The following ARHGEF12 variants were observed in gnomAD, a reference collection of about 807,000 sequenced individuals.
ARHGEF12 encodes the protein Rho guanine nucleotide exchange factor 12, also known as KMT2A/ARHGEF12 fusion protein.
A neutral mutation model predicts 211.2 loss-of-function variants in ARHGEF12; 66 were observed. That is an observed-to-expected ratio of 0.31 (90% CI 0.26 to 0.38). The LOEUF (loss-of-function observed/expected upper bound fraction) is 0.38. Among genes scored for constraint, ARHGEF12 ranks in the 10% least tolerant of loss-of-function variants. The pLI is 1.00. For synonymous variants in ARHGEF12, 592 were observed against 638.4 expected (o/e 0.93, Z 1.09); for missense variants, 1,429 against 1,869.5 (o/e 0.76, Z 4.34).
chr11:120,460,712 T>C lies in ARHGEF12; in HGVS notation c.2568T>C (p.Asn856=). Residue 856 remains asparagine, a synonymous_variant, in exon 27 of 41, where the codon AAT becomes AAC. Transcript: ENST00000397843. ...AAATGAAGGCTGTTCGAAAGAGAAATGAGACCTCTGTTATCGATCAGATTG... is the reference window on the plus strand; with the variant it reads ...AAATGAAGGCTGTTCGAAAGAGAAACGAGACCTCTGTTATCGATCAGATTG... ...NEQMKAVRKR[N]ETSVIDQIGE... 1 of 1,613,940 alleles carries C rather than the reference T, an allele frequency of 6.2e-7. No homozygotes were observed. Among genetic ancestry groups the C allele is most frequent in the Non-Finnish European group, 8.5e-7 (1 of 1,179,932 alleles).
intron 38 of ARHGEF12, 124 bp downstream of exon 38, chr11:120,480,554 ATATT>A (rs1947204397): frequency 4.3e-6 from 4 of 929,808 alleles, no homozygotes; most frequent in South Asian, 3.5e-5. Context: ...CACATGTGCA[ATATT>A]TATTCCTTCA....
chr11:120,471,070 C>T (rs1212877162), intron 30 of ARHGEF12, among the ~76,000 whole-genome samples: 1 of 152,080 alleles, frequency 6.6e-6, no homozygotes, highest in Non-Finnish European at 1.5e-5. Context: ...AGTAGGAACA[C>T]CAATCATAAG....
At chr11:120,437,410 T>C (rs2135758369) in intron 12 of ARHGEF12, 28 bp downstream of exon 12, 1 of 1,568,334 alleles carries the variant, frequency 6.4e-7, no homozygotes, top group East Asian at 2.3e-5. Context: ...GCAATGATAG[T>C]GCTGTCTTTG....
intron 30 of ARHGEF12, among the ~76,000 whole-genome samples, chr11:120,471,940 C>G (rs961381573): frequency 5.9e-5 from 9 of 152,042 alleles, no homozygotes; most frequent in African/African-American, 1.4e-4. Context: ...TATTTAAGTC[C>G]ACTTTATTAC....
intron 30 of ARHGEF12, 41 bp downstream of exon 30, chr11:120,469,429 G>A: frequency 6.8e-7 from 1 of 1,464,474 alleles, no homozygotes; most frequent in Non-Finnish European, 9.4e-7. Flanking sequence ...GACATTGGGA[G>A]AACATTAAAT....
At chr11:120,409,286 G>A (rs1944811374) in intron 3 of ARHGEF12, 108 bp from the exon 4 acceptor site, 6 of 1,063,966 alleles carry the variant, frequency 5.6e-6, no homozygotes, top group Admixed American at 2.0e-5. Context: ...CTTTGTGTTT[G>A]CACGATTTAA....
intron 1 of ARHGEF12, among the ~76,000 whole-genome samples, chr11:120,370,513 AT>A (rs879871876): frequency 2.6e-5 from 4 of 151,050 alleles, no homozygotes; most frequent in East Asian, 1.9e-4. Context: ...TAAAAGTTTT[AT>A]TTTTTTTTAA....
intron 1 of ARHGEF12, among the ~76,000 whole-genome samples, chr11:120,347,171 C>T (rs202202670): frequency 0.5 from 27,985 of 56,450 alleles, 4,365 homozygotes; most frequent in African/African-American, 0.53. Context: ...TTCCTTCCTT[C>T]CTTCCTTCCT....
rs1947387208 is a variant in ARHGEF12, at chr11:120,485,969, T to C, written c.*892T>C. On this transcript the variant is annotated 3_prime_UTR_variant, in exon 41 of 41. Transcript: ENST00000397843. ...TGTTATTCTTGGTATCATTTCATTT[T>C]TATAATTATACATTAGACATTGGCA... 1.3e-5 allele frequency: 3 copies of C among 233,576 alleles called. No homozygotes were observed. In the South Asian group the frequency reaches 5.4e-4, roughly 42 times the overall value. The allele number at this position is 233,576 out of a possible 1,614,324, so 14.5% of individuals were successfully genotyped here. A position where few individuals can be genotyped will look rare whatever the true frequency, so the allele number is the denominator to read the frequency against.
rs187980579 is a variant in ARHGEF12, at chr11:120,406,353, A to G, written c.56+212A>G. On this transcript the variant is annotated intron_variant, in intron 2 of 40. Coordinates refer to ENST00000397843, the MANE Select transcript of ARHGEF12 (RefSeq NM_015313.3). The stretch of plus-strand genomic sequence containing the variant: ...GATAATACTTCTAATATAAGCATTT[A>G]AAAATTTTGTTCAAAAGGATATTTA... Among the ~76,000 whole-genome samples, 467 of 152,252 alleles carry G rather than the reference A, an allele frequency of 3.1e-3. 4 individuals carry two copies. The highest frequency in any genetic ancestry group is 3.7e-3 in the Non-Finnish European group (251 of 68,010).
At chr11:120,449,523 G>C (rs756567386) in intron 21 of ARHGEF12, 2 of 222,418 alleles carry the variant, frequency 9.0e-6, no homozygotes, top group Admixed American at 1.1e-4. Flanking sequence ...ACACAATGAA[G>C]CCTGTCTCTA....
intron 7 of ARHGEF12, among the ~76,000 whole-genome samples, chr11:120,424,950 G>C (rs1401538199): frequency 6.6e-6 from 1 of 152,104 alleles, no homozygotes; most frequent in East Asian, 1.9e-4. Context: ...TCTTCTCTTG[G>C]AAATCTTTAG....
intron 37 of ARHGEF12, among the ~76,000 whole-genome samples, chr11:120,478,913 G>A (rs549770600): frequency 7.2e-5 from 11 of 152,174 alleles, no homozygotes; most frequent in African/African-American, 2.4e-4. Context: ...TTGAATGTGA[G>A]GTCAAAGGAA....
Position 120,478,242 on chromosome 11 carries a change from G to T in ARHGEF12, c.3619G>T (p.Asp1207Tyr). 1 of 1,614,152 alleles carries T rather than the reference G, an allele frequency of 6.2e-7. No individual in the cohort carries two copies. The highest frequency in any genetic ancestry group is 8.5e-7 in the Non-Finnish European group (1 of 1,180,024). ...LSTSGKSEVRDLFVAERQFAK... is the reference protein window; with the variant it reads ...LSTSGKSEVRYLFVAERQFAK... ...TACCTCTGGGAAATCAGAGGTACGT[G>T]ATCTGTTTGTGGCTGAGAGACAGTT... The change falls in exon 37 of 41, where the codon GAT (aspartate) becomes TAT (tyrosine). Residue 1207 changes from aspartate to tyrosine, a missense_variant. Coordinates refer to ENST00000397843, the MANE Select transcript of ARHGEF12 (RefSeq NM_015313.3).
rs771885545 is a variant in ARHGEF12, at chr11:120,475,522, T to C, written c.3277+15T>C. 6.8e-6 allele frequency: 11 copies of C among 1,610,390 alleles called. No individual in the cohort carries two copies. The Admixed American group carries it at 1.7e-4, about 24-fold the overall frequency. On this transcript the variant is annotated intron_variant, in intron 33 of 40. Transcript: ENST00000397843. Reference sequence around the variant, plus strand: ...AGTGGCAACAGGCAAGTATGTCCACTGAAGGATACTAATTTCCAGATTCAT... The same window carrying C: ...AGTGGCAACAGGCAAGTATGTCCACCGAAGGATACTAATTTCCAGATTCAT...
chr11:120,359,029 T>G (rs558863899), intron 1 of ARHGEF12, among the ~76,000 whole-genome samples: 1 of 152,220 alleles, frequency 6.6e-6, no homozygotes, highest in Admixed American at 6.5e-5. Context: ...GACTTCTCTG[T>G]GGGGATGTGT....
At chr11:120,424,524 A>G (rs1945285243) in intron 7 of ARHGEF12, 109 bp downstream of exon 7, 1 of 811,222 alleles carries the variant, frequency 1.2e-6, no homozygotes, top group Non-Finnish European at 2.0e-6. Flanking sequence ...TATGTGGACT[A>G]TATAGTCTAC....
intron 31 of ARHGEF12, 29 bp downstream of exon 31, chr11:120,473,156 A>C: frequency 6.3e-7 from 1 of 1,596,872 alleles, no homozygotes; most frequent in Non-Finnish European, 8.6e-7. Context: ...ATAATTTAAA[A>C]AATAAAATAA....
intron 1 of ARHGEF12, among the ~76,000 whole-genome samples, chr11:120,391,767 T>G (rs1944225150): frequency 1.3e-5 from 2 of 152,232 alleles, no homozygotes; most frequent in Admixed American, 1.3e-4. Flanking sequence ...GCGCCTCCCA[T>G]TCTTTGCTAG....
Sources: gnomAD v4.1 joint callset for allele counts (sites outside exome capture counted in the v4.1 genomes callset) on GRCh38, gnomAD v4.1.1 for gene constraint, MANE v1.5 for transcripts, NCBI Gene and HGNC (gene_info 2026-07-23, HGNC 2026-07-21) for gene names.